The following TMEM187 variants were observed in gnomAD, a reference collection of about 807,000 sequenced individuals.
TMEM187 encodes the protein chromosome X open reading frame 12.
TMEM187 carries 14 observed loss-of-function variants against 11.8 expected under a neutral mutation model. That is an observed-to-expected ratio of 1.18 (90% CI 0.78 to 1.85). The LOEUF (loss-of-function observed/expected upper bound fraction) is 1.85, where lower values mean the gene tolerates loss of function less well. Among genes scored for constraint, TMEM187 ranks in the 40% most tolerant of loss-of-function variants. TMEM187 has a pLI of 0.00. For missense variants in TMEM187, 227 were observed against 243.9 expected (o/e 0.93, Z 0.46); for synonymous variants, 112 against 118.5 (o/e 0.95, Z 0.36).
rs144243296 is a variant in TMEM187, at chrX:153,982,256, C to T, written c.194C>T (p.Thr65Met). ...AACTCACTCGTGAACATGGCCTACA[C>T]GCTGCTGGGGCTGTCGTGGCTGCAC... The part of the protein sequence containing the change: ...PFNSLVNMAY[T>M]LLGLSWLHRG... Residue 65 changes from threonine (T) to methionine (M), a missense_variant, in exon 2 of 2, where the codon ACG becomes ATG. By Grantham distance (81) the Thr-to-Met change is moderately conservative. Transcript: ENST00000369982. The T allele has an allele frequency of 1.7e-6, 2 of 1,211,454 alleles. No individual in the cohort carries two copies. The highest frequency in any genetic ancestry group is 2.2e-6 in the Non-Finnish European group (2 of 895,507).
chrX:153,975,201 T>C (rs782524444), intron 1 of TMEM187, among the ~76,000 whole-genome samples: 2 of 112,395 alleles, frequency 1.8e-5, no homozygotes, highest in Non-Finnish European at 3.8e-5. Context: ...TTTACTTTAA[T>C]ATACTCCCAT....
chrX:153,978,597 G>A (rs782815024), intron 1 of TMEM187, among the ~76,000 whole-genome samples: 2 of 75,057 alleles, frequency 2.7e-5, no homozygotes, highest in African/African-American at 5.7e-5. Context: ...TTTTTTTTGG[G>A]GGGGAGAGGG....
rs2148628874 is a variant in TMEM187, at chrX:153,982,478, C to G, written c.416C>G (p.Pro139Arg). 1 of 1,203,257 alleles carries G rather than the reference C, an allele frequency of 8.3e-7. No individual in the cohort carries two copies. The highest frequency in any genetic ancestry group is 1.1e-6 in the Non-Finnish European group (1 of 894,322). The change falls in exon 2 of 2, where the codon CCC becomes CGC. Residue 139 changes from proline (P) to arginine (R), a missense_variant. Transcript: ENST00000369982. Reference protein sequence around the residue: ...WCLYLDRGWRPWLFLSLECVS... With the variant: ...WCLYLDRGWRRWLFLSLECVS... ...CTCTACCTAGACCGCGGCTGGCGGC[C>G]CTGGCTGTTCCTCTCTCTTGAGTGC...
At chrX:153,974,400 G>A (rs183663417) in intron 1 of TMEM187, among the ~76,000 whole-genome samples, 71 of 112,535 alleles carry the variant, frequency 6.3e-4, no homozygotes, top group African/African-American at 2.2e-3. Context: ...GGAGCTGAAC[G>A]GGGAAGTGCC....
intron 1 of TMEM187, among the ~76,000 whole-genome samples, chrX:153,980,022 C>G (rs1417882924): frequency 3.6e-5 from 4 of 109,675 alleles, no homozygotes; most frequent in Non-Finnish European, 7.6e-5. Flanking sequence ...CAGGCATGAG[C>G]CACCATGCCT....
chrX:153,975,891 C>G (rs782180324), intron 1 of TMEM187, among the ~76,000 whole-genome samples: 1 of 109,111 alleles, frequency 9.2e-6, no homozygotes, highest in East Asian at 2.9e-4. Flanking sequence ...GTGATCTGCC[C>G]GCCTCAACCT....
rs2065606987 is a variant in TMEM187, at chrX:153,982,318, A to C, written c.256A>C (p.Lys86Gln). The stretch of plus-strand genomic sequence containing the variant: ...GATGGGGCTGGGTCCCCGCTACCTG[A>C]AGGACGTGTTCGCAGCCATGGCCCT... ...GAMGLGPRYL[K>Q]DVFAAMALLY... Residue 86 changes from lysine to glutamine, a missense_variant, in exon 2 of 2, where the codon AAG becomes CAG. By Grantham distance (53) the Lys-to-Gln change is moderately conservative (BLOSUM62 1). Transcript: ENST00000369982. 8.3e-7 allele frequency: 1 copy of C among 1,210,300 alleles called. No homozygotes were observed. The highest frequency in any genetic ancestry group is 1.1e-6 in the Non-Finnish European group (1 of 895,315).
chrX:153,982,371 C>A lies in TMEM187; in HGVS notation c.309C>A (p.Arg103=). 3 of 1,202,781 alleles carry A rather than the reference C, an allele frequency of 2.5e-6. No homozygotes were observed. In the South Asian group the frequency reaches 5.3e-5, roughly 21 times the overall value. The change falls in exon 2 of 2, where the codon CGC becomes CGA. Residue 103 remains arginine (R), a synonymous_variant. Transcript: ENST00000369982. ...ALLYGPVQWL[R]LWTQWRRAAV... ...TCTATGGCCCCGTGCAGTGGCTGCG[C>A]CTGTGGACGCAGTGGCGCCGTGCCG... is the stretch of plus-strand genomic sequence containing the variant.
At chrX:153,979,614 A>G (rs1257058992) in intron 1 of TMEM187, among the ~76,000 whole-genome samples, 1 of 108,583 alleles carries the variant, frequency 9.2e-6, no homozygotes, top group Non-Finnish European at 1.9e-5. Flanking sequence ...AGAGGGGTTT[A>G]GCTGGGTGCA....
chrX:153,978,614 G>A (rs1277175222), intron 1 of TMEM187, among the ~76,000 whole-genome samples: 1 of 52,906 alleles, frequency 1.9e-5, no homozygotes, highest in Non-Finnish European at 3.3e-5. Context: ...AGGGAGTTTC[G>A]CTCTTGTTGC....
chrX:153,978,212 A>G (rs2065584192), intron 1 of TMEM187, among the ~76,000 whole-genome samples: 1 of 109,632 alleles, frequency 9.1e-6, no homozygotes, highest in Non-Finnish European at 1.9e-5. Context: ...GTCTGTCTCA[A>G]AAAAACAAAA....
intron 1 of TMEM187, among the ~76,000 whole-genome samples, chrX:153,973,568 A>G (rs2065563861): frequency 8.9e-6 from 1 of 111,948 alleles, no homozygotes; most frequent in Admixed American, 9.4e-5. Context: ...CTGTGGTCCC[A>G]GGTACTTGGA....
At chrX:153,980,421 C>CGG (rs2065595848) in intron 1 of TMEM187, among the ~76,000 whole-genome samples, 1 of 112,122 alleles carries the variant, frequency 8.9e-6, no homozygotes, top group Non-Finnish European at 1.9e-5. Context: ...GGAAGCCCTC[C>CGG]TGGCGCTTCT....
At chrX:153,975,661 A>T (rs868933353) in intron 1 of TMEM187, among the ~76,000 whole-genome samples, 12 of 313 alleles carry the variant, frequency 0.038, no homozygotes, top group South Asian at 0.2. Flanking sequence ...TTTTTTTTTT[A>T]AAGACAGAGT....
At chrX:153,978,854 T>C (rs1484464552) in intron 1 of TMEM187, among the ~76,000 whole-genome samples, 2 of 110,695 alleles carry the variant, frequency 1.8e-5, no homozygotes, top group Non-Finnish European at 3.8e-5. Context: ...TGGCACGATC[T>C]TGGCTCACTG....
chrX:153,981,927 A>G lies in TMEM187; in HGVS notation c.-136A>G. ...CCTTCCTTCGGGGCAAGGTCGCAGC[A>G]TCTGCCTCGGAAATCACGAAATCAC... is the stretch of plus-strand genomic sequence containing the variant. On this transcript the variant is annotated 5_prime_UTR_variant, in exon 2 of 2. Coordinates refer to ENST00000369982, the MANE Select transcript of TMEM187 (RefSeq NM_003492.3). 2 of 1,109,507 alleles carry G rather than the reference A, an allele frequency of 1.8e-6. No homozygotes were observed. The highest frequency in any genetic ancestry group is 2.4e-6 in the Non-Finnish European group (2 of 823,849). 91.4% of individuals were successfully genotyped at this position (1,109,507 alleles called of 1,213,427 possible).
At chrX:153,980,918 C>CAA (rs376302517) in intron 1 of TMEM187, among the ~76,000 whole-genome samples, 9 of 61,593 alleles carry the variant, frequency 1.5e-4, no homozygotes, top group Non-Finnish European at 2.5e-4. Flanking sequence ...GACTCCGTCT[C>CAA]AAAAAAAAAA....
rs145557117 is a variant in TMEM187, at chrX:153,982,398, G to A, written c.336G>A (p.Ala112=). 7.2e-4 allele frequency: 866 copies of A among 1,198,747 alleles called. 1 individual carries two copies. The highest frequency in any genetic ancestry group is 3.1e-3 in the Middle Eastern group (13 of 4,259). Residue 112 remains alanine (A), a synonymous_variant, in exon 2 of 2, where the codon GCG becomes GCA. Transcript: ENST00000369982. ...LRLWTQWRRA[A]VLDQWLTLPI... is the part of the protein sequence containing the mutation. ...TGTGGACGCAGTGGCGCCGTGCCGC[G>A]GTGCTGGACCAGTGGCTCACACTGC...
chrX:153,981,828 C>T (rs2065603125), intron 1 of TMEM187, 22 bp from the exon 2 acceptor site: 1 of 537,129 alleles, frequency 1.9e-6, no homozygotes, highest in Non-Finnish European at 3.0e-6. Flanking sequence ...TTTCTAACCA[C>T]ACTCCTTTTG....
Sources: allele counts gnomAD v4.1 joint callset (sites outside exome capture counted in the v4.1 genomes callset), GRCh38; gene constraint gnomAD v4.1.1; transcripts MANE v1.5; gene names NCBI Gene and HGNC (gene_info 2026-07-23, HGNC 2026-07-21).